The following RHCE variants were observed in gnomAD, a reference collection of about 807,000 sequenced individuals.
RHCE encodes the protein Rh blood group CcEe antigens.
In RHCE, 22 loss-of-function variants were observed where a neutral mutation model predicts 43.8. That is an observed-to-expected ratio of 0.50 (90% confidence interval 0.36 to 0.72). The LOEUF is 0.72. Among genes scored for constraint, RHCE ranks in the 30% least tolerant of loss-of-function variants. The probability of loss-of-function intolerance (pLI) is 0.00; values close to 1 mark genes in which losing one functional copy is unlikely to be tolerated. For missense variants in RHCE, 385 were observed against 525.4 expected, an observed-to-expected ratio of 0.73 and a Z score of 2.61; for synonymous variants, 156 against 210.7, an observed-to-expected ratio of 0.74 and a Z score of 2.25.
At chr1:25,368,760 ATTGTT>A (rs1453361641) in intron 9 of RHCE, among the ~76,000 whole-genome samples, 3 of 148,254 alleles carry the variant, frequency 2.0e-5, no homozygotes, top group East Asian at 2.0e-4. Flanking sequence ...AATATGTACA[ATTGTT>A]TTGTTTTGTT....
At chr1:25,372,531 A>C (rs1394806887) in intron 8 of RHCE, among the ~76,000 whole-genome samples, 1 of 151,498 alleles carries the variant, frequency 6.6e-6, no homozygotes, top group Non-Finnish European at 1.5e-5. Flanking sequence ...AAAAAAAAAA[A>C]AGAATTTCTC....
At chr1:25,415,132 TC>T (rs1190963867) in intron 1 of RHCE, among the ~76,000 whole-genome samples, 1 of 151,932 alleles carries the variant, frequency 6.6e-6, no homozygotes, top group African/African-American at 2.4e-5. Context: ...CTGCAGCCAG[TC>T]TTAACTCCCC....
At chr1:25,372,705 C>T (rs545275496) in intron 8 of RHCE, among the ~76,000 whole-genome samples, 25 of 151,846 alleles carry the variant, frequency 1.6e-4, no homozygotes, top group African/African-American at 5.3e-4. Flanking sequence ...GACAGGCCCA[C>T]AGAGGGCTCA....
chr1:25,378,201 T>C (rs1372463506), intron 7 of RHCE, among the ~76,000 whole-genome samples: 1 of 152,232 alleles, frequency 6.6e-6, no homozygotes, highest in African/African-American at 2.4e-5. Context: ...AAGGAGCTTC[T>C]ATACACTACT....
chr1:25,392,397 G>A (rs1362129917), intron 3 of RHCE, among the ~76,000 whole-genome samples: 1 of 152,088 alleles, frequency 6.6e-6, no homozygotes, highest in Non-Finnish European at 1.5e-5. Flanking sequence ...TAGTAGCTGG[G>A]ATTACAGGCA....
intron 3 of RHCE, among the ~76,000 whole-genome samples, chr1:25,393,943 C>T (rs867879583): frequency 6.6e-6 from 1 of 152,160 alleles, no homozygotes; most frequent in Non-Finnish European, 1.5e-5. Context: ...GGGTGTCTAA[C>T]AATTCTAAAG....
intron 5 of RHCE, among the ~76,000 whole-genome samples, chr1:25,390,400 G>C (rs1646319611): frequency 2.0e-5 from 3 of 152,174 alleles, no homozygotes; most frequent in Admixed American, 6.5e-5. Context: ...GGGGGGAAGA[G>C]AGAGGCTGGC....
intron 1 of RHCE, chr1:25,411,347 T>A (rs1647070929): frequency 6.4e-7 from 1 of 1,550,486 alleles, no homozygotes; most frequent in Non-Finnish European, 8.7e-7. Flanking sequence ...CACCTGCCAC[T>A]GGTCTCCAGC....
intron 7 of RHCE, among the ~76,000 whole-genome samples, chr1:25,383,452 C>T (rs1448409983): frequency 1.3e-5 from 2 of 152,152 alleles, no homozygotes; most frequent in Admixed American, 6.5e-5. Flanking sequence ...CAGCATCAGT[C>T]ATCATAAAGA....
upstream of RHCE, among the ~76,000 whole-genome samples, chr1:25,425,156 G>A (rs57519490): frequency 5.1e-3 from 772 of 152,276 alleles, 5 homozygotes; most frequent in African/African-American, 0.018. Context: ...ATGAGAATCT[G>A]AGCAACATAA....
chr1:25,369,938 C>T (rs1299393295), intron 9 of RHCE, among the ~76,000 whole-genome samples: 3 of 151,360 alleles, frequency 2.0e-5, no homozygotes, highest in African/African-American at 7.3e-5. Flanking sequence ...GGGGTTTTGA[C>T]ACGTTGGCCA....
At chr1:25,388,683 G>A (rs1246159579) in intron 6 of RHCE, among the ~76,000 whole-genome samples, 2 of 152,122 alleles carry the variant, frequency 1.3e-5, no homozygotes, top group African/African-American at 4.8e-5. Context: ...GGGGCTTCTG[G>A]GCTCCCCACA....
upstream of RHCE, among the ~76,000 whole-genome samples, chr1:25,425,005 CAG>C (rs2124557262): frequency 6.6e-6 from 1 of 152,236 alleles, no homozygotes; most frequent in South Asian, 2.1e-4. Flanking sequence ...TTAGTAGTGA[CAG>C]GGTTTCACCA....
upstream of RHCE, among the ~76,000 whole-genome samples, chr1:25,424,838 T>A (rs1405147219): frequency 1.3e-5 from 2 of 152,036 alleles, no homozygotes; most frequent in African/African-American, 4.8e-5. Context: ...GTTTTTTTTT[T>A]AGATGGAGTA....
intron 2 of RHCE, among the ~76,000 whole-genome samples, chr1:25,406,205 TC>T (rs1489612882): frequency 2.6e-5 from 3 of 117,006 alleles, no homozygotes; most frequent in Non-Finnish European, 5.8e-5. Flanking sequence ...TTTGTCACTT[TC>T]CAGGTGGATG....
intron 6 of RHCE, among the ~76,000 whole-genome samples, chr1:25,388,612 G>A (rs1173950171): frequency 6.6e-6 from 1 of 152,170 alleles, no homozygotes; most frequent in East Asian, 1.9e-4. Flanking sequence ...AGAGGAGGAA[G>A]CAGGTCTATA....
chr1:25,411,275 G>A (rs1647067518), intron 1 of RHCE: 2 of 1,544,334 alleles, frequency 1.3e-6, no homozygotes, highest in Admixed American at 2.0e-5. Flanking sequence ...AGCACATGGA[G>A]AACACTCAAT....
At chr1:25,415,798 G>A (rs984942126) in intron 1 of RHCE, among the ~76,000 whole-genome samples, 3 of 151,330 alleles carry the variant, frequency 2.0e-5, no homozygotes, top group Non-Finnish European at 2.9e-5. Flanking sequence ...TCTGCCCAAG[G>A]TCTCTAAGAT....
rs1201749110 is a variant in RHCE, at chr1:25,390,734, C to T, written c.801+15G>A. 1 of 1,614,194 alleles carries T rather than the reference C, an allele frequency of 6.2e-7. No individual in the cohort carries two copies. The stretch of plus-strand genomic sequence containing the variant: ...GTTAGACCCAAGTGCTGCCCAAGGG[C>T]AGCGCCCTGCTCACCATGCTGATCT... On this transcript the variant is annotated intron_variant, in intron 5 of 9. Coordinates refer to ENST00000294413, the MANE Select transcript of RHCE (RefSeq NM_020485.8).
Sources: allele counts gnomAD v4.1 joint callset (sites outside exome capture counted in the v4.1 genomes callset), GRCh38; gene constraint gnomAD v4.1.1; transcripts MANE v1.5; gene names NCBI Gene and HGNC (gene_info 2026-07-23, HGNC 2026-07-21).